SNX29: variants seen among roughly 807,000 people sequenced by gnomAD.
SNX29 encodes the protein sorting nexin 29, also known as sorting nexin-29.
SNX29 carries 78 observed loss-of-function variants against 102.1 expected under a neutral mutation model. The ratio of observed to expected loss-of-function variants is 0.76; its 90% confidence interval spans 0.64 to 0.92. SNX29 has a LOEUF of 0.92. Ranked by LOEUF, SNX29 falls within the 40% of genes least tolerant of loss-of-function variation. The probability of loss-of-function intolerance (pLI) is 0.00; values close to 1 mark genes in which losing one functional copy is unlikely to be tolerated. For synonymous variants in SNX29, 580 were observed against 414.5 expected, an observed-to-expected ratio of 1.40 and a Z score of -4.85; for missense variants, 1,280 against 1,061.7, an observed-to-expected ratio of 1.21 and a Z score of -2.86.
chr16:12,225,235 C>G (rs914969877), intron 14 of SNX29, among the ~76,000 whole-genome samples: 1 of 152,074 alleles, frequency 6.6e-6, no homozygotes, highest in African/African-American at 2.4e-5. Flanking sequence ...TAAGGGACAT[C>G]TTTTTTACTT....
At chr16:12,173,236 C>T (rs2076188204) in intron 13 of SNX29, among the ~76,000 whole-genome samples, 1 of 152,142 alleles carries the variant, frequency 6.6e-6, no homozygotes, top group African/African-American at 2.4e-5. Flanking sequence ...GTTCTGGTTC[C>T]AACAGGCGGT....
chr16:12,541,240 T>C (rs1039800217), intron 20 of SNX29, among the ~76,000 whole-genome samples: 8 of 152,118 alleles, frequency 5.3e-5, no homozygotes, highest in African/African-American at 1.4e-4. Flanking sequence ...TATGGAACCA[T>C]GTATCATATC....
At chr16:12,333,106 A>ATTTTTTTTTT (rs34047585) in intron 15 of SNX29, among the ~76,000 whole-genome samples, 1 of 135,782 alleles carries the variant, frequency 7.4e-6, no homozygotes, top group Non-Finnish European at 1.5e-5. Flanking sequence ...CAATCAGTTA[A>ATTTTTTTTTT]TTTTTTTTTT....
At chr16:12,120,518 C>G (rs1329727659) in intron 11 of SNX29, among the ~76,000 whole-genome samples, 1 of 152,208 alleles carries the variant, frequency 6.6e-6, no homozygotes, top group East Asian at 1.9e-4. Context: ...CAATGAGTCT[C>G]AGGATAATTC....
chr16:12,076,518 T>A (rs1596788297), intron 10 of SNX29, among the ~76,000 whole-genome samples: 1 of 152,166 alleles, frequency 6.6e-6, no homozygotes, highest in African/African-American at 2.4e-5. Context: ...GCTAGGCTGG[T>A]CTCGACCTCC....
chr16:12,553,530 A>AC (rs762321428), intron 20 of SNX29, among the ~76,000 whole-genome samples: 7 of 151,894 alleles, frequency 4.6e-5, no homozygotes, highest in Non-Finnish European at 8.8e-5. Context: ...TGGAGGAGGG[A>AC]CCCCACAGAG....
chr16:12,110,089 C>T (rs886190134), intron 11 of SNX29, among the ~76,000 whole-genome samples: 4 of 152,116 alleles, frequency 2.6e-5, no homozygotes, highest in Non-Finnish European at 5.9e-5. Context: ...AAAGTGAATA[C>T]GGAGGCTCCG....
rs561131946 is a variant in SNX29 at position 12,383,771 on chromosome 16, T to C, written c.1900-14675T>C. 2.8e-5 allele frequency among the ~76,000 whole-genome samples: 4 copies of C among 142,510 alleles called. No homozygotes were observed. In the South Asian group the frequency reaches 8.6e-4, roughly 31 times the overall value. The allele number at this position is 142,510 out of a possible 152,430, so 93.5% of individuals were successfully genotyped here. On this transcript the variant is annotated intron_variant, in intron 16 of 20. Transcript: ENST00000566228. Reference sequence around the variant, plus strand: ...TTAAAAAAAAAAGATACGTCAACTTTCTTTTTTTTTTTTTTTTTTTGCTAT... The same window carrying C: ...TTAAAAAAAAAAGATACGTCAACTTCCTTTTTTTTTTTTTTTTTTTGCTAT...
Position 12,086,103 on chromosome 16 carries a change from A to T in SNX29, c.1402+7188A>T, listed in dbSNP as rs191391907. Among the ~76,000 whole-genome samples the T allele has an allele frequency of 1.1e-4, 16 of 147,340 alleles. No individual in the cohort carries two copies. The East Asian group carries it at 2.6e-3, about 24-fold the overall frequency. ...AGTGCAAGCTCCGCCTCCCGGGCTC[A>T]CGCCATTCTCCTGCCTCAGCCTCCC... On this transcript the variant is annotated intron_variant, in intron 11 of 20. Transcript: ENST00000566228.
chr16:12,553,211 A>C (rs907097842), intron 20 of SNX29, among the ~76,000 whole-genome samples: 14 of 152,152 alleles, frequency 9.2e-5, no homozygotes, highest in African/African-American at 3.1e-4. Context: ...TCCAGTAGCC[A>C]TGCTCGCAGA....
intron 1 of SNX29, among the ~76,000 whole-genome samples, chr16:11,990,830 G>T (rs757038736): frequency 1.3e-5 from 2 of 152,176 alleles, no homozygotes; most frequent in Non-Finnish European, 2.9e-5. Flanking sequence ...ACCGCACGGT[G>T]GCTGTAAGGT....
At position 12,278,260 on chromosome 16, in the gene SNX29, A is replaced by G. The variant is rs182748171; in HGVS notation, c.1782+224A>G. ...ATATTGGAACTTTTTGGCACTTATGATAAGGACATAAGAGAAAACATATAT... is the reference window on the plus strand; with the variant it reads ...ATATTGGAACTTTTTGGCACTTATGGTAAGGACATAAGAGAAAACATATAT... On this transcript the variant is annotated intron_variant, in intron 15 of 20. Coordinates refer to ENST00000566228, the MANE Select transcript of SNX29 (RefSeq NM_032167.5). Among the ~76,000 whole-genome samples, 17 of 152,332 alleles carry G rather than the reference A, an allele frequency of 1.1e-4. No homozygotes were observed. Among genetic ancestry groups the G allele is most frequent in the Non-Finnish European group, 1.8e-4 (12 of 68,024 alleles).
intron 13 of SNX29, among the ~76,000 whole-genome samples, chr16:12,168,920 T>C (rs2076079654): frequency 6.6e-6 from 1 of 152,124 alleles, no homozygotes; most frequent in Non-Finnish European, 1.5e-5. Context: ...CCTTGGCACC[T>C]GGGTTGTGGG....
intron 20 of SNX29, chr16:12,527,294 C>T (rs2076811796): frequency 1.9e-6 from 1 of 532,040 alleles, no homozygotes; most frequent in Non-Finnish European, 3.7e-6. Flanking sequence ...CATGTGCTGC[C>T]CACAGAAAGC....
At chr16:12,277,402 C>T (rs928303415) in intron 14 of SNX29, among the ~76,000 whole-genome samples, 1 of 151,948 alleles carries the variant, frequency 6.6e-6, no homozygotes, top group Non-Finnish European at 1.5e-5. Flanking sequence ...GAGACCCCAT[C>T]TCAAAAAAAC....
At chr16:12,329,241 C>T (rs1162195777) in intron 15 of SNX29, among the ~76,000 whole-genome samples, 2 of 138,156 alleles carry the variant, frequency 1.4e-5, no homozygotes. Context: ...TATGCCACTG[C>T]ACTCCAGCCT....
At chr16:12,296,136 C>A (rs1163399368) in intron 15 of SNX29, among the ~76,000 whole-genome samples, 1 of 152,162 alleles carries the variant, frequency 6.6e-6, no homozygotes, top group Non-Finnish European at 1.5e-5. Flanking sequence ...ATGGAAAATT[C>A]TCCCCTTCCT....
At chr16:12,349,945 G>T (rs988291709) in intron 15 of SNX29, among the ~76,000 whole-genome samples, 13 of 152,168 alleles carry the variant, frequency 8.5e-5, no homozygotes, top group African/African-American at 2.7e-4. Flanking sequence ...CCAAAAAACA[G>T]TCTAGAAAAA....
At chr16:12,401,389 G>C (rs2151503922) in intron 17 of SNX29, among the ~76,000 whole-genome samples, 1 of 130,758 alleles carries the variant, frequency 7.6e-6, no homozygotes, top group African/African-American at 2.8e-5. Context: ...TTTTGAGATG[G>C]AGTCTCACTC....
Sources: allele counts gnomAD v4.1 joint callset (sites outside exome capture counted in the v4.1 genomes callset), GRCh38; gene constraint gnomAD v4.1.1; transcripts MANE v1.5; gene names NCBI Gene and HGNC (gene_info 2026-07-23, HGNC 2026-07-21).